Variants in RNF144A observed in about 807,000 individuals in gnomAD.
The protein encoded by RNF144A is ring finger protein 144A.
Under a neutral mutation model 38.7 loss-of-function variants are expected in RNF144A, and 11 were observed. The observed-to-expected ratio is 0.28, with a 90% CI of 0.18 to 0.47. The LOEUF (loss-of-function observed/expected upper bound fraction) is 0.47. RNF144A is among the 20% of genes least tolerant of loss of function. The pLI is 0.99. For missense variants in RNF144A, 316 were observed against 377.2 expected, an observed-to-expected ratio of 0.84 and a Z score of 1.34; for synonymous variants, 149 against 143.9, an observed-to-expected ratio of 1.04 and a Z score of -0.25.
At chr2:6,946,112 G>C (rs763450601) in intron 2 of RNF144A, among the ~76,000 whole-genome samples, 3 of 152,166 alleles carry the variant, frequency 2.0e-5, no homozygotes, top group Admixed American at 1.3e-4. Context: ...GGGTCATGAG[G>C]CTTAACAAAA....
chr2:7,063,656 G>T (rs1385144873), intron 6 of RNF144A, among the ~76,000 whole-genome samples: 1 of 152,090 alleles, frequency 6.6e-6, no homozygotes, highest in Non-Finnish European at 1.5e-5. Context: ...CAAAAAAAGA[G>T]CAGCCACAGA....
intron 6 of RNF144A, among the ~76,000 whole-genome samples, chr2:7,059,118 C>A (rs551792423): frequency 6.6e-6 from 1 of 152,036 alleles, no homozygotes; most frequent in Non-Finnish European, 1.5e-5. Flanking sequence ...GAGGCTGAGG[C>A]GGGCAGATCA....
intron 1 of RNF144A, among the ~76,000 whole-genome samples, chr2:6,920,292 G>A (rs1664452728): frequency 6.6e-6 from 1 of 152,184 alleles, no homozygotes; most frequent in Non-Finnish European, 1.5e-5. Flanking sequence ...AGAACCAGGT[G>A]GGCCAGCACC....
Position 7,040,301 on chromosome 2 carries a change from T to C in RNF144A, c.*541T>C, listed in dbSNP as rs753909708. 3.0e-6 allele frequency: 3 copies of C among 985,630 alleles called. No individual in the cohort carries two copies. The highest frequency in any genetic ancestry group is 3.6e-6 in the Non-Finnish European group (3 of 830,086). The allele number at this position is 985,630 out of a possible 1,614,324, so 61.1% of individuals were successfully genotyped here. On this transcript the variant is annotated 3_prime_UTR_variant, in exon 9 of 9. Transcript: ENST00000320892. ...AAATCAACAAGGTGCATATAAACCA[T>C]CCTATGCCTTTCTTGAAATGTGCAT...
At chr2:6,935,786 A>T (rs775740084) in intron 1 of RNF144A, among the ~76,000 whole-genome samples, 3 of 152,168 alleles carry the variant, frequency 2.0e-5, no homozygotes, top group Non-Finnish European at 4.4e-5. Flanking sequence ...ACCTTGTGTC[A>T]CCAGGCCACC....
At chr2:6,960,970 G>A (rs762941337) in intron 2 of RNF144A, among the ~76,000 whole-genome samples, 1 of 152,140 alleles carries the variant, frequency 6.6e-6, no homozygotes, top group Non-Finnish European at 1.5e-5. Flanking sequence ...GTGTGTGCGT[G>A]TGTGTGTACG....
chr2:7,028,067 T>C (rs13393491), intron 7 of RNF144A, among the ~76,000 whole-genome samples: 17,143 of 148,678 alleles, frequency 0.12, 1,942 homozygotes, highest in African/African-American at 0.3. Flanking sequence ...TCCGGACACA[T>C]TGCTATGAAG....
chr2:7,062,020 G>T (rs1425100504), intron 6 of RNF144A, among the ~76,000 whole-genome samples: 1 of 152,192 alleles, frequency 6.6e-6, no homozygotes, highest in African/African-American at 2.4e-5. Context: ...TCCCTGAGTT[G>T]AGTGGTGACC....
At chr2:7,027,477 A>G (rs1222893682) in intron 7 of RNF144A, among the ~76,000 whole-genome samples, 1 of 152,238 alleles carries the variant, frequency 6.6e-6, no homozygotes, top group Non-Finnish European at 1.5e-5. Context: ...AGAGAGGTTT[A>G]TCTTTCTCAA....
intron 3 of RNF144A, among the ~76,000 whole-genome samples, chr2:7,002,356 T>C (rs1670164868): frequency 6.6e-6 from 1 of 152,150 alleles, no homozygotes; most frequent in Non-Finnish European, 1.5e-5. Flanking sequence ...TAGATGCAGG[T>C]GTGGGCTGCG....
chr2:7,057,181 C>G (rs565186664), intron 6 of RNF144A, among the ~76,000 whole-genome samples: 2 of 152,320 alleles, frequency 1.3e-5, no homozygotes, highest in East Asian at 3.9e-4. Flanking sequence ...TCTATATACC[C>G]TATACAACAG....
intron 1 of RNF144A, among the ~76,000 whole-genome samples, chr2:6,923,243 G>T (rs771282): frequency 0.52 from 78,773 of 152,210 alleles, 20,749 homozygotes; most frequent in Non-Finnish European, 0.56. Context: ...TGCATGAAGG[G>T]ACTCTCTCCT....
At chr2:7,056,497 C>A (rs1027158883) in intron 6 of RNF144A, among the ~76,000 whole-genome samples, 1 of 152,176 alleles carries the variant, frequency 6.6e-6, no homozygotes, top group Non-Finnish European at 1.5e-5. Context: ...TTGAGTACTT[C>A]AGCCACACAC....
chr2:6,975,969 G>T (rs376722678), intron 2 of RNF144A, among the ~76,000 whole-genome samples: 1 of 152,240 alleles, frequency 6.6e-6, no homozygotes, highest in African/African-American at 2.4e-5. Flanking sequence ...TGAATGGATA[G>T]AAGGCTTTTT....
downstream of RNF144A, among the ~76,000 whole-genome samples, chr2:7,044,619 G>C (rs749548625): frequency 6.6e-6 from 1 of 152,196 alleles, no homozygotes; most frequent in Non-Finnish European, 1.5e-5. Context: ...ATCTGCTGGG[G>C]GTGGGGAGAA....
chr2:7,074,897 T>G, the RNF144A span, among the ~76,000 whole-genome samples: 7 of 152,142 alleles, frequency 4.6e-5, no homozygotes, highest in Non-Finnish European at 1.0e-4. Flanking sequence ...TGGGATTGAG[T>G]GATCAAAGAA....
intron 6 of RNF144A, among the ~76,000 whole-genome samples, chr2:7,051,536 G>A (rs1463957676): frequency 6.6e-6 from 1 of 152,316 alleles, no homozygotes; most frequent in Non-Finnish European, 1.5e-5. Context: ...AAGGAGCAGC[G>A]AAGAGGAGAT....
intron 2 of RNF144A, among the ~76,000 whole-genome samples, chr2:6,972,190 T>C (rs972601316): frequency 1.3e-5 from 2 of 152,194 alleles, no homozygotes; most frequent in African/African-American, 4.8e-5. Flanking sequence ...GTCTGCCTCC[T>C]CTTCTTTCCC....
chr2:7,054,349 T>G (rs185957397), intron 6 of RNF144A, among the ~76,000 whole-genome samples: 17 of 152,322 alleles, frequency 1.1e-4, no homozygotes, highest in Admixed American at 9.8e-4. Context: ...TACATACATA[T>G]GTACATATAC....
Sources: gnomAD v4.1 joint callset for allele counts (sites outside exome capture counted in the v4.1 genomes callset) on GRCh38, gnomAD v4.1.1 for gene constraint, MANE v1.5 for transcripts, NCBI Gene and HGNC (gene_info 2026-07-23, HGNC 2026-07-21) for gene names.